The following AHCYL2 variants were observed in gnomAD, a reference collection of about 807,000 sequenced individuals.
AHCYL2 encodes adenosylhomocysteinase like 2, also known as S-adenosylhomocysteine hydrolase-like protein 2.
A neutral mutation model predicts 81.4 loss-of-function variants in AHCYL2; 28 were observed. That is an observed-to-expected ratio of 0.34 (90% CI 0.25 to 0.47). The LOEUF (loss-of-function observed/expected upper bound fraction) is 0.47. Ranked by LOEUF, AHCYL2 falls within the 20% of genes least tolerant of loss-of-function variation. The probability of loss-of-function intolerance (pLI) is 1.00; values close to 1 mark genes in which losing one functional copy is unlikely to be tolerated. For missense variants in AHCYL2, 551 were observed against 785.1 expected (o/e 0.70, Z 3.56); for synonymous variants, 272 against 290.2 (o/e 0.94, Z 0.64).
chr7:129,240,466 A>G (rs1794813907), intron 1 of AHCYL2, among the ~76,000 whole-genome samples: 1 of 152,146 alleles, frequency 6.6e-6, no homozygotes, highest in Non-Finnish European at 1.5e-5. Context: ...GTGTTCTCTC[A>G]AAGGTACTTT....
At chr7:129,241,497 A>G (rs1794852811) in intron 1 of AHCYL2, among the ~76,000 whole-genome samples, 1 of 152,144 alleles carries the variant, frequency 6.6e-6, no homozygotes, top group Non-Finnish European at 1.5e-5. Context: ...AGGCTGAGGC[A>G]GGAGAATCAC....
intron 1 of AHCYL2, among the ~76,000 whole-genome samples, chr7:129,253,563 G>T (rs887739891): frequency 6.6e-6 from 1 of 152,180 alleles, no homozygotes; most frequent in Admixed American, 6.5e-5. Flanking sequence ...CAGCACCTCA[G>T]TTTCTCTGTC....
intron 1 of AHCYL2, among the ~76,000 whole-genome samples, chr7:129,299,793 G>A (rs1185276781): frequency 6.6e-6 from 1 of 152,146 alleles, no homozygotes; most frequent in Non-Finnish European, 1.5e-5. Flanking sequence ...TAGAAGTACA[G>A]AACTTTGTAT....
At chr7:129,272,341 C>T (rs191387763) in intron 1 of AHCYL2, among the ~76,000 whole-genome samples, 3 of 152,286 alleles carry the variant, frequency 2.0e-5, no homozygotes, top group East Asian at 1.9e-4. Context: ...AGAGCAGACA[C>T]GAGCTGTTCC....
chr7:129,380,244 A>T (rs1356274742), intron 2 of AHCYL2, among the ~76,000 whole-genome samples: 1 of 152,134 alleles, frequency 6.6e-6, no homozygotes, highest in Non-Finnish European at 1.5e-5. Context: ...ACTTCTTGTT[A>T]TTCCTCCCAT....
At chr7:129,235,088 A>G (rs1239830819) in intron 1 of AHCYL2, among the ~76,000 whole-genome samples, 1 of 152,132 alleles carries the variant, frequency 6.6e-6, no homozygotes, top group Non-Finnish European at 1.5e-5. Flanking sequence ...GTTGATGTCC[A>G]TTAGATTGGG....
At chr7:129,373,321 G>A (rs1012976471) in intron 1 of AHCYL2, among the ~76,000 whole-genome samples, 2 of 151,972 alleles carry the variant, frequency 1.3e-5, no homozygotes, top group African/African-American at 4.8e-5. Context: ...CGAGGTGGGC[G>A]GATCACGAGG....
intron 1 of AHCYL2, among the ~76,000 whole-genome samples, chr7:129,228,388 G>T (rs903318555): frequency 6.6e-6 from 1 of 152,190 alleles, no homozygotes; most frequent in African/African-American, 2.4e-5. Context: ...TGGTGTGCAG[G>T]TTACTCAATC....
chr7:129,319,748 G>A (rs190342186), intron 1 of AHCYL2, among the ~76,000 whole-genome samples: 84 of 152,224 alleles, frequency 5.5e-4, no homozygotes, highest in Non-Finnish European at 1.1e-3. Context: ...GTTACAGCAC[G>A]TATCAATAGT....
intron 1 of AHCYL2, among the ~76,000 whole-genome samples, chr7:129,313,204 G>A (rs906018089): frequency 1.3e-5 from 2 of 152,140 alleles, no homozygotes; most frequent in African/African-American, 2.4e-5. Context: ...AAATTTGTAG[G>A]CAATCCAGAT....
At chr7:129,371,853 TAA>T (rs1466379431) in intron 1 of AHCYL2, among the ~76,000 whole-genome samples, 1 of 152,154 alleles carries the variant, frequency 6.6e-6, no homozygotes, top group Non-Finnish European at 1.5e-5. Context: ...TTTTCATAGG[TAA>T]AGAGTTAGTT....
At chr7:129,238,828 C>T (rs1291186570) in intron 1 of AHCYL2, among the ~76,000 whole-genome samples, 1 of 152,118 alleles carries the variant, frequency 6.6e-6, no homozygotes. Context: ...GGGCGGGTGC[C>T]TGTAATCCCA....
At chr7:129,375,906 A>G in intron 1 of AHCYL2, 1 of 1,536,152 alleles carries the variant, frequency 6.5e-7, no homozygotes. Flanking sequence ...TGTTAATGGC[A>G]ACTCTGGGAT....
chr7:129,377,862 A>C (rs895875093), intron 1 of AHCYL2, among the ~76,000 whole-genome samples: 1 of 152,226 alleles, frequency 6.6e-6, no homozygotes, highest in Non-Finnish European at 1.5e-5. Context: ...TAAGAAAATC[A>C]TTATCAAATA....
At chr7:129,357,381 C>T (rs993906764) in intron 1 of AHCYL2, among the ~76,000 whole-genome samples, 1 of 152,164 alleles carries the variant, frequency 6.6e-6, no homozygotes, top group African/African-American at 2.4e-5. Flanking sequence ...CATATGGAAA[C>T]TCTGTACTAT....
intron 12 of AHCYL2, among the ~76,000 whole-genome samples, chr7:129,414,443 C>T (rs1202609769): frequency 5.8e-5 from 4 of 69,268 alleles, no homozygotes; most frequent in South Asian, 4.3e-4. Context: ...TTTTTTGAGA[C>T]GGAGTCTCAC....
chr7:129,282,174 A>G (rs1054076106), intron 1 of AHCYL2, among the ~76,000 whole-genome samples: 1 of 152,066 alleles, frequency 6.6e-6, no homozygotes, highest in Admixed American at 6.5e-5. Context: ...AATTTTTTAT[A>G]TGCACTGAAA....
intron 1 of AHCYL2, among the ~76,000 whole-genome samples, chr7:129,314,157 A>G (rs1192179170): frequency 6.6e-6 from 1 of 152,154 alleles, no homozygotes; most frequent in Non-Finnish European, 1.5e-5. Flanking sequence ...AGGAAAATTC[A>G]CCTTCAAGTC....
At chr7:129,370,313 T>C (rs536977322) in intron 1 of AHCYL2, among the ~76,000 whole-genome samples, 123 of 152,320 alleles carry the variant, frequency 8.1e-4, no homozygotes, top group African/African-American at 2.6e-3. Flanking sequence ...ATAAGGGATA[T>C]GATCTAGGGC....
Sources: gnomAD v4.1 joint callset for allele counts (sites outside exome capture counted in the v4.1 genomes callset) on GRCh38, gnomAD v4.1.1 for gene constraint, MANE v1.5 for transcripts, NCBI Gene and HGNC (gene_info 2026-07-23, HGNC 2026-07-21) for gene names.